Variants in SHROOM3 observed in about 807,000 individuals in gnomAD.
The protein encoded by SHROOM3 is protein Shroom3.
Under a neutral mutation model 138.6 loss-of-function variants are expected in SHROOM3, and 47 were observed. The observed-to-expected ratio is 0.34, with a 90% CI of 0.27 to 0.43. The LOEUF is 0.43. Among genes scored for constraint, SHROOM3 ranks in the 20% least tolerant of loss-of-function variants. The pLI, the probability that SHROOM3 is intolerant of heterozygous loss-of-function variation, is 1.00. For missense variants in SHROOM3, 2,491 were observed against 2,596.5 expected, an observed-to-expected ratio of 0.96 and a Z score of 0.88; for synonymous variants, 1,062 against 1,063.3, an observed-to-expected ratio of 1.00 and a Z score of 0.02.
intron 1 of SHROOM3, among the ~76,000 whole-genome samples, chr4:76,470,184 AC>A (rs1184302017): frequency 6.6e-6 from 1 of 152,124 alleles, no homozygotes; most frequent in African/African-American, 2.4e-5. Flanking sequence ...AAGTGATTTG[AC>A]CCCAGACCCA....
intron 9 of SHROOM3, among the ~76,000 whole-genome samples, chr4:76,766,243 A>C (rs1389425704): frequency 6.6e-6 from 1 of 152,254 alleles, no homozygotes; most frequent in African/African-American, 2.4e-5. Context: ...AGAGCTGAAT[A>C]ATTAATTAGA....
intron 1 of SHROOM3, among the ~76,000 whole-genome samples, chr4:76,529,177 A>G (rs1278060629): frequency 6.6e-6 from 1 of 152,020 alleles, no homozygotes; most frequent in Non-Finnish European, 1.5e-5. Flanking sequence ...TGCTACTAGG[A>G]TGTTTCTGGA....
At chr4:76,536,762 C>T (rs1732962417) in intron 1 of SHROOM3, among the ~76,000 whole-genome samples, 1 of 152,206 alleles carries the variant, frequency 6.6e-6, no homozygotes, top group Non-Finnish European at 1.5e-5. Flanking sequence ...CCAGCTCCAG[C>T]AATTTTCTCT....
At chr4:76,722,331 A>G (rs1720577255) in intron 3 of SHROOM3, among the ~76,000 whole-genome samples, 1 of 152,180 alleles carries the variant, frequency 6.6e-6, no homozygotes, top group Non-Finnish European at 1.5e-5. Flanking sequence ...TGCAGCCGTA[A>G]AAAAGAATGA....
At chr4:76,481,530 G>T (rs1225188513) in intron 1 of SHROOM3, among the ~76,000 whole-genome samples, 3 of 151,114 alleles carry the variant, frequency 2.0e-5, no homozygotes, top group African/African-American at 7.3e-5. Flanking sequence ...AAAAAGCCCA[G>T]GACCAGATTC....
At chr4:76,659,436 T>G (rs1302950291) in intron 2 of SHROOM3, among the ~76,000 whole-genome samples, 1 of 152,244 alleles carries the variant, frequency 6.6e-6, no homozygotes, top group Non-Finnish European at 1.5e-5. Flanking sequence ...CTTTTCATAT[T>G]GGTCATTTGG....
intron 2 of SHROOM3, among the ~76,000 whole-genome samples, chr4:76,592,687 C>T (rs1734299216): frequency 6.6e-6 from 1 of 152,210 alleles, no homozygotes; most frequent in South Asian, 2.1e-4. Flanking sequence ...AGTCCATGCT[C>T]TCTAGGGACA....
chr4:76,449,257 GAA>G (rs1730874240), intron 1 of SHROOM3, among the ~76,000 whole-genome samples: 1 of 152,128 alleles, frequency 6.6e-6, no homozygotes, highest in African/African-American at 2.4e-5. Context: ...TCTGAGGAGA[GAA>G]ATTCTTTTCT....
chr4:76,475,214 A>G (rs532913504), intron 1 of SHROOM3, among the ~76,000 whole-genome samples: 11 of 152,302 alleles, frequency 7.2e-5, no homozygotes, highest in Non-Finnish European at 1.5e-4. Flanking sequence ...ATTTCATAGG[A>G]AAGAGGTGAT....
At chr4:76,563,470 G>T (rs1191295432) in intron 2 of SHROOM3, among the ~76,000 whole-genome samples, 2 of 152,310 alleles carry the variant, frequency 1.3e-5, no homozygotes, top group South Asian at 2.1e-4. Flanking sequence ...TTGGTGGAAG[G>T]TTGAGCTCCA....
chr4:76,668,692 G>A (rs962244315), intron 2 of SHROOM3, among the ~76,000 whole-genome samples: 4 of 152,182 alleles, frequency 2.6e-5, no homozygotes, highest in South Asian at 2.1e-4. Flanking sequence ...ATCAGATTCC[G>A]ATTTGACAGG....
chr4:76,723,959 C>T (rs1720625847), intron 3 of SHROOM3, among the ~76,000 whole-genome samples: 2 of 152,184 alleles, frequency 1.3e-5, no homozygotes, highest in South Asian at 4.1e-4. Context: ...CAAGACCTTG[C>T]AGAGCTCCAA....
Position 76,740,970 on chromosome 4 carries a change from T to C in SHROOM3, c.2797T>C (p.Ser933Pro), listed in dbSNP as rs558525233. The change falls in exon 5 of 11, where the codon TCC becomes CCC. Residue 933 changes from serine (S) to proline (P), a missense_variant. Physicochemically the swap from Ser to Pro is moderately conservative, Grantham distance 74. Coordinates refer to ENST00000296043, the MANE Select transcript of SHROOM3 (RefSeq NM_020859.4). The surrounding 1 kb of genome is among the most constrained non-coding windows in gnomAD (Gnocchi z 4.0). ...AYRNSIKDAQ[S>P]RVLGATSFRR... ...CCGGAACAGCATCAAGGACGCACAG[T>C]CCCGTGTCTTGGGGGCCACCTCCTT... is the stretch of plus-strand genomic sequence containing the variant. The C allele has an allele frequency of 4.9e-5, 73 of 1,496,854 alleles. No homozygotes were observed. Among genetic ancestry groups the C allele is most frequent in the Admixed American group, 2.2e-4 (9 of 40,802 alleles). The allele number at this position is 1,496,854 out of a possible 1,614,324, so 92.7% of individuals were successfully genotyped here.
intron 1 of SHROOM3, among the ~76,000 whole-genome samples, chr4:76,537,406 G>GAGC (rs1733001943): frequency 6.6e-6 from 1 of 152,286 alleles, no homozygotes; most frequent in East Asian, 1.9e-4. Flanking sequence ...GTGGGTTGGG[G>GAGC]AGCTGCTAGA....
intron 2 of SHROOM3, among the ~76,000 whole-genome samples, chr4:76,633,550 G>T (rs947075698): frequency 1.3e-5 from 2 of 150,632 alleles, no homozygotes; most frequent in African/African-American, 4.9e-5. Context: ...CCAGCTATGC[G>T]GGAGGCTGAG....
At chr4:76,444,484 C>CTTTTTTTTTTT (rs61655085) in intron 1 of SHROOM3, among the ~76,000 whole-genome samples, 1 of 60,150 alleles carries the variant, frequency 1.7e-5, no homozygotes, top group Non-Finnish European at 2.9e-5. Flanking sequence ...CTCTTTCTTT[C>CTTTTTTTTTTT]TTTTTTTTTT....
intron 4 of SHROOM3, among the ~76,000 whole-genome samples, chr4:76,735,765 G>A (rs1254357331): frequency 2.7e-5 from 4 of 145,760 alleles, no homozygotes; most frequent in South Asian, 2.3e-4. Context: ...GCTTGAACCC[G>A]GGAGGCGGTG....
At chr4:76,598,677 G>A (rs1264883800) in intron 2 of SHROOM3, among the ~76,000 whole-genome samples, 2 of 152,200 alleles carry the variant, frequency 1.3e-5, no homozygotes, top group East Asian at 3.9e-4. Flanking sequence ...TGGAGGAGGT[G>A]TCTTTTTCTG....
chr4:76,538,054 T>G (rs1268027524), intron 1 of SHROOM3, among the ~76,000 whole-genome samples: 1 of 152,112 alleles, frequency 6.6e-6, no homozygotes, highest in Non-Finnish European at 1.5e-5. Context: ...ATTACAGGCA[T>G]GCACCACCAC....
Sources: allele counts gnomAD v4.1 joint callset (sites outside exome capture counted in the v4.1 genomes callset), GRCh38; gene constraint gnomAD v4.1.1; non-coding constraint Gnocchi (gnomAD v3.1); transcripts MANE v1.5; gene names NCBI Gene and HGNC (gene_info 2026-07-23, HGNC 2026-07-21).